The following THTPA variants were observed in gnomAD, a reference collection of about 807,000 sequenced individuals.
The protein encoded by THTPA is thiamine-triphosphatase.
In THTPA, 16 loss-of-function variants were observed where a neutral mutation model predicts 16.5. The ratio of observed to expected loss-of-function variants is 0.97; its 90% CI spans 0.66 to 1.47. THTPA has a LOEUF of 1.47. Ranked by LOEUF, THTPA falls within the 40% of genes most tolerant of loss-of-function variation. The pLI, the probability that THTPA is intolerant of heterozygous loss-of-function variation, is 0.00. For synonymous variants in THTPA, 110 were observed against 115.5 expected (o/e 0.95, Z 0.30); for missense variants, 281 against 280.9 (o/e 1.00, Z 0.00).
the THTPA span, among the ~76,000 whole-genome samples, chr14:23,547,756 CTCTT>C: frequency 2.6e-5 from 4 of 152,190 alleles, no homozygotes; most frequent in African/African-American, 9.7e-5. Flanking sequence ...AGGTGGGCAA[CTCTT>C]TCCCCCAGCC....
chr14:23,549,334 T>C, the THTPA span, among the ~76,000 whole-genome samples: 1 of 152,092 alleles, frequency 6.6e-6, no homozygotes, highest in Non-Finnish European at 1.5e-5. Flanking sequence ...TTTCTTTAAT[T>C]CTGTTCACCT....
chr14:23,534,023 G>C, the THTPA span: 1 of 1,536,742 alleles, frequency 6.5e-7, no homozygotes, highest in Middle Eastern at 1.7e-4. The surrounding 1 kb of genome is among the most constrained non-coding windows in gnomAD (Gnocchi z 4.5). Flanking sequence ...GACAGGCTGA[G>C]GCCCTGGAAG....
chr14:23,522,542 C>A, the THTPA span: 1 of 1,527,306 alleles, frequency 6.5e-7, no homozygotes, highest in South Asian at 1.2e-5. Context: ...GGGAAATAGC[C>A]CCTTCTTCAT....
the THTPA span, chr14:23,512,900 G>C: frequency 1.3e-5 from 2 of 151,518 alleles, no homozygotes; most frequent in African/African-American, 2.4e-5. Flanking sequence ...AAAAGAGGGG[G>C]GTCTGGCAGA....
chr14:23,534,128 C>A, the THTPA span: 1 of 1,480,062 alleles, frequency 6.8e-7, no homozygotes, highest in African/African-American at 1.4e-5. This position sits in a 1 kb window ranked among gnomAD's most constrained non-coding sequence, Gnocchi z 4.5. Flanking sequence ...GGGAGAGTGC[C>A]CCCCTCCTTG....
the THTPA span, among the ~76,000 whole-genome samples, chr14:23,537,045 CAGG>C: frequency 6.6e-6 from 1 of 152,126 alleles, no homozygotes; most frequent in Non-Finnish European, 1.5e-5. Context: ...GAGGCTGAGG[CAGG>C]AGAACAGCTT....
At chr14:23,555,441 C>A (rs150067053), upstream of THTPA, among the ~76,000 whole-genome samples, 2,414 of 152,304 alleles carry the variant, frequency 0.016, 27 homozygotes, top group Middle Eastern at 0.031. Context: ...TCCTTACGTA[C>A]CACCCAGGTG....
chr14:23,527,032 C>A, the THTPA span: 1 of 1,450,884 alleles, frequency 6.9e-7, no homozygotes, highest in South Asian at 1.4e-5. Flanking sequence ...CTATGCCACT[C>A]CTGACCCATC....
the THTPA span, among the ~76,000 whole-genome samples, chr14:23,549,310 C>T: frequency 1.3e-5 from 2 of 152,012 alleles, no homozygotes; most frequent in African/African-American, 2.4e-5. Flanking sequence ...TTTATTGCAC[C>T]GACCACCCCT....
the THTPA span, among the ~76,000 whole-genome samples, chr14:23,548,186 T>A: frequency 6.6e-6 from 1 of 152,184 alleles, no homozygotes; most frequent in African/African-American, 2.4e-5. Context: ...CCATTTCTAG[T>A]CCTCCTCTTC....
chr14:23,515,732 G>A, the THTPA span, among the ~76,000 whole-genome samples: 1 of 152,178 alleles, frequency 6.6e-6, no homozygotes, highest in Non-Finnish European at 1.5e-5. Context: ...CCAGAGGTAG[G>A]AGTAAAGTCC....
At chr14:23,534,466 G>T in the THTPA span, 1 of 1,536,302 alleles carries the variant, frequency 6.5e-7, no homozygotes, top group African/African-American at 1.4e-5. This position sits in a 1 kb window ranked among gnomAD's most constrained non-coding sequence, Gnocchi z 4.5. Context: ...GCTTATGAGG[G>T]CCTTGCAGCC....
chr14:23,512,217 CAG>C, the THTPA span, among the ~76,000 whole-genome samples: 1 of 152,004 alleles, frequency 6.6e-6, no homozygotes, highest in Non-Finnish European at 1.5e-5. Flanking sequence ...CTGGAGGTGA[CAG>C]GGAGAAATAG....
At chr14:23,523,345 T>A in the THTPA span, 1 of 1,465,836 alleles carries the variant, frequency 6.8e-7, no homozygotes, top group East Asian at 2.5e-5. The surrounding 1 kb of genome is among the most constrained non-coding windows in gnomAD (Gnocchi z 4.1). Flanking sequence ...CCTTGAGAGC[T>A]GGGGGAGCCT....
the THTPA span, chr14:23,521,540 G>A: frequency 6.2e-6 from 1 of 160,962 alleles, no homozygotes; most frequent in Admixed American, 6.4e-5. Flanking sequence ...TTTTCTCAGT[G>A]GAACATCATG....
the THTPA span, chr14:23,527,517 C>T: frequency 2.0e-6 from 3 of 1,491,396 alleles, no homozygotes; most frequent in African/African-American, 1.4e-5. Flanking sequence ...AACACATGCA[C>T]CTGCCTGAAT....
chr14:23,547,403 G>A, the THTPA span, among the ~76,000 whole-genome samples: 43 of 152,374 alleles, frequency 2.8e-4, no homozygotes, highest in South Asian at 8.9e-3. Flanking sequence ...ATTGGGAATG[G>A]GGTGGGGATG....
the THTPA span, chr14:23,522,278 G>A: frequency 2.1e-5 from 32 of 1,497,814 alleles, no homozygotes; most frequent in African/African-American, 4.1e-4. Flanking sequence ...TCTCTGGTGG[G>A]CAGTAGCCGG....
Position 23,560,230 on chromosome 14 carries a change from C to T in THTPA, c.*1390C>T, listed in dbSNP as rs550373751. ...CTTTTCTCCTGGAGTCCCCAGGCCA[C>T]CTCTGAACTCTGATCTTTACAAACC... On this transcript the variant is annotated 3_prime_UTR_variant, in exon 2 of 2. Coordinates refer to ENST00000288014, the MANE Select transcript of THTPA (RefSeq NM_024328.6). 5.6e-6 allele frequency: 9 copies of T among 1,611,772 alleles called. No individual in the cohort carries two copies. The highest frequency in any genetic ancestry group is 5.3e-5 in the African/African-American group (4 of 75,006).
Sources: allele counts gnomAD v4.1 joint callset (sites outside exome capture counted in the v4.1 genomes callset), GRCh38; gene constraint gnomAD v4.1.1; non-coding constraint Gnocchi (gnomAD v3.1); transcripts MANE v1.5; gene names NCBI Gene and HGNC (gene_info 2026-07-23, HGNC 2026-07-21).